Variants in ZFYVE9 observed in about 807,000 individuals in gnomAD.
ZFYVE9 encodes the protein zinc finger FYVE-type containing 9.
In ZFYVE9, 43 loss-of-function variants were observed where a neutral mutation model predicts 126.7. The ratio of observed to expected loss-of-function variants is 0.34; its 90% CI spans 0.27 to 0.44. The LOEUF (loss-of-function observed/expected upper bound fraction) is 0.44, where lower values mean the gene tolerates loss of function less well. Among genes scored for constraint, ZFYVE9 ranks in the 20% least tolerant of loss-of-function variants. The pLI, the probability that ZFYVE9 is intolerant of heterozygous loss-of-function variation, is 1.00. For synonymous variants in ZFYVE9, 521 were observed against 597.4 expected, an observed-to-expected ratio of 0.87 and a Z score of 1.87; for missense variants, 1,476 against 1,697.0, an observed-to-expected ratio of 0.87 and a Z score of 2.29.
At chr1:52,260,316 G>A (rs1645566514) in intron 4 of ZFYVE9, among the ~76,000 whole-genome samples, 1 of 151,992 alleles carries the variant, frequency 6.6e-6, no homozygotes, top group Admixed American at 6.6e-5. Flanking sequence ...TATTTTTTCT[G>A]TGTATTTACC....
At chr1:52,209,983 A>C (rs1645012694) in intron 1 of ZFYVE9, among the ~76,000 whole-genome samples, 1 of 152,220 alleles carries the variant, frequency 6.6e-6, no homozygotes, top group Non-Finnish European at 1.5e-5. Flanking sequence ...GGATTCTTGC[A>C]AAAATCTAGG....
At position 52,344,715 on chromosome 1, in the gene ZFYVE9, C is replaced by T. The variant is rs1646468562; in HGVS notation, c.3940-53C>T. The T allele has an allele frequency of 2.5e-6, 4 of 1,595,578 alleles. No homozygotes were observed. The Admixed American group carries it at 6.8e-5, about 27-fold the overall frequency. ...TGCTCATATACAGTGAGCTAATCTA[C>T]TTCTCCCAAAATCTAGGCACAAGTT... On this transcript the variant is annotated intron_variant, in intron 17 of 18. Transcript: ENST00000287727.
At chr1:52,231,139 G>A (rs186405161) in intron 2 of ZFYVE9, among the ~76,000 whole-genome samples, 11 of 152,312 alleles carry the variant, frequency 7.2e-5, no homozygotes, top group Admixed American at 2.0e-4. Context: ...GACATTAAAT[G>A]TGCAACCTAT....
chr1:52,293,179 C>G (rs774384430), intron 10 of ZFYVE9, among the ~76,000 whole-genome samples: 51 of 151,774 alleles, frequency 3.4e-4, no homozygotes, highest in Non-Finnish European at 6.5e-4. Context: ...GAGATGGAGA[C>G]CATCCTGGCT....
rs528396709 is a variant in ZFYVE9, at chr1:52,238,073, C to T, written c.656C>T (p.Pro219Leu). The T allele has an allele frequency of 4.3e-6, 7 of 1,613,880 alleles. No individual in the cohort carries two copies. The highest frequency in any genetic ancestry group is 4.0e-5 in the African/African-American group (3 of 74,988). ...AAACAAATGGATCCATTGAATAGACCGAAAACAGAGGGGAGATCTGTTAAC... is the reference window on the plus strand; with the variant it reads ...AAACAAATGGATCCATTGAATAGACTGAAAACAGAGGGGAGATCTGTTAAC... Reference protein sequence around the residue: ...SEKQMDPLNRPKTEGRSVNHL... With the variant: ...SEKQMDPLNRLKTEGRSVNHL... The change falls in exon 4 of 19, where the codon CCG becomes CTG. Residue 219 changes from proline to leucine, a missense_variant. Pro to Leu is a moderately conservative substitution (Grantham distance 98, BLOSUM62 -3). This residue lies in a region of ZFYVE9 where 807 missense variants were observed against 794.6 expected (regional missense o/e 1.02). Coordinates refer to ENST00000287727, the MANE Select transcript of ZFYVE9 (RefSeq NM_004799.4).
chr1:52,212,872 G>A (rs1645040170), intron 1 of ZFYVE9, among the ~76,000 whole-genome samples: 1 of 152,168 alleles, frequency 6.6e-6, no homozygotes, highest in African/African-American at 2.4e-5. Context: ...ATTAATTATT[G>A]TAATTATTAA....
intron 1 of ZFYVE9, among the ~76,000 whole-genome samples, chr1:52,194,221 A>C (rs989786650): frequency 6.6e-6 from 1 of 152,242 alleles, no homozygotes; most frequent in African/African-American, 2.4e-5. Flanking sequence ...TGAAAGAGCG[A>C]AGCAAACAAA....
chr1:52,171,807 A>G lies in ZFYVE9; in HGVS notation c.-143+29404A>G, dbSNP rs188857259. ...GCTACATAAATGTCTTCTTTTGAGA[A>G]GTGTCTGTTCATATCCTTTGCCTGC... On this transcript the variant is annotated intron_variant, in intron 1 of 18. Transcript: ENST00000287727. Among the ~76,000 whole-genome samples the G allele has an allele frequency of 5.0e-3, 759 of 152,266 alleles. 7 individuals are homozygous for G. The highest frequency in any genetic ancestry group is 0.018 in the African/African-American group (730 of 41,544).
Position 52,239,158 on chromosome 1 carries a change from C to A in ZFYVE9, c.1741C>A (p.Pro581Thr). ...CAGTGTTCCTTTTGGTGGTGCAAGA[C>A]CCAAGCAACCTTCTAATCTTAAACT... Reference protein sequence around the residue: ...SISVPFGGARPKQPSNLKLQI... With the variant: ...SISVPFGGARTKQPSNLKLQI... The change falls in exon 4 of 19, where the codon CCC becomes ACC. Residue 581 changes from proline to threonine, a missense_variant. Physicochemically the swap from Pro to Thr is conservative, Grantham distance 38. Around this residue, in one of 2 missense-constraint regions of ZFYVE9, gnomAD observed 807 missense variants for 794.6 expected, o/e 1.02. Transcript: ENST00000287727. The A allele has an allele frequency of 1.2e-6, 2 of 1,614,104 alleles. No individual in the cohort carries two copies. The highest frequency in any genetic ancestry group is 1.7e-6 in the Non-Finnish European group (2 of 1,180,008).
chr1:52,181,233 C>T (rs1370817530), intron 1 of ZFYVE9, among the ~76,000 whole-genome samples: 1 of 152,212 alleles, frequency 6.6e-6, no homozygotes, highest in African/African-American at 2.4e-5. Flanking sequence ...CAGGCGCGCG[C>T]TGCCACGCCT....
At position 52,268,585 on chromosome 1, in the gene ZFYVE9, T is replaced by C. The variant is rs756403462; in HGVS notation, c.2578T>C (p.Ser860Pro). ...TTCCTCTGCAGGAACCCTGGCTGTG[T>C]CACACGACCCAGTCAAGCCAGTAAC... Reference protein sequence around the residue: ...GTSSAGTLAVSHDPVKPVTTS... With the variant: ...GTSSAGTLAVPHDPVKPVTTS... The change falls in exon 7 of 19, where the codon TCA (serine) becomes CCA (proline). Residue 860 changes from serine to proline, a missense_variant. This residue lies in a region of ZFYVE9 where 669 missense variants were observed against 902.4 expected (regional missense o/e 0.74). Coordinates refer to ENST00000287727, the MANE Select transcript of ZFYVE9 (RefSeq NM_004799.4). 3.1e-6 allele frequency: 5 copies of C among 1,614,118 alleles called. No homozygotes were observed. Among genetic ancestry groups the C allele is most frequent in the Non-Finnish European group, 4.2e-6 (5 of 1,180,010 alleles).
intron 1 of ZFYVE9, among the ~76,000 whole-genome samples, chr1:52,160,899 C>T (rs376593575): frequency 1.9e-4 from 29 of 152,298 alleles, no homozygotes; most frequent in African/African-American, 6.5e-4. Flanking sequence ...ATGAACCATG[C>T]AGTTGATCAG....
In ZFYVE9 at chr1:52,281,688, C is replaced by A; in HGVS notation, c.2897C>A (p.Thr966Lys). The change falls in exon 10 of 19, where the codon ACA becomes AAA. Residue 966 changes from threonine (T) to lysine (K), a missense_variant. By Grantham distance (78) the Thr-to-Lys change is moderately conservative. This residue lies in a region of ZFYVE9 where 669 missense variants were observed against 902.4 expected (regional missense o/e 0.74). Coordinates refer to ENST00000287727, the MANE Select transcript of ZFYVE9 (RefSeq NM_004799.4). ...NYVNRKCWCF[T>K]TKGMHAVGQS... ...GTGAACAGGAAGTGCTGGTGTTTCA[C>A]AACCAAGGGAATGCATGCAGTGGGT... is the stretch of plus-strand genomic sequence containing the variant. 6.2e-7 allele frequency: 1 copy of A among 1,614,090 alleles called. No individual in the cohort carries two copies. The highest frequency in any genetic ancestry group is 8.5e-7 in the Non-Finnish European group (1 of 1,180,016).
At chr1:52,314,984 C>T (rs1004283654) in intron 13 of ZFYVE9, among the ~76,000 whole-genome samples, 1 of 151,966 alleles carries the variant, frequency 6.6e-6, no homozygotes, top group Non-Finnish European at 1.5e-5. Context: ...TAATTTATCA[C>T]CAACAGACCT....
intron 17 of ZFYVE9, among the ~76,000 whole-genome samples, chr1:52,342,776 C>T (rs1456550442): frequency 2.0e-5 from 3 of 152,206 alleles, no homozygotes; most frequent in African/African-American, 7.2e-5. Flanking sequence ...TTGTGATCTG[C>T]CCGCCTCGGC....
intron 4 of ZFYVE9, among the ~76,000 whole-genome samples, chr1:52,253,055 A>C (rs1161576778): frequency 6.6e-6 from 1 of 152,192 alleles, no homozygotes; most frequent in African/African-American, 2.4e-5. Flanking sequence ...AGTCCCAGCT[A>C]CTCAAGAGGA....
chr1:52,302,969 G>A (rs1646049596), intron 12 of ZFYVE9, among the ~76,000 whole-genome samples: 1 of 151,976 alleles, frequency 6.6e-6, no homozygotes, highest in South Asian at 2.1e-4. Context: ...AATTAGCCGA[G>A]CATGGTGACG....
chr1:52,299,687 C>T (rs904050273), intron 12 of ZFYVE9, among the ~76,000 whole-genome samples: 1 of 152,190 alleles, frequency 6.6e-6, no homozygotes, highest in Non-Finnish European at 1.5e-5. Flanking sequence ...CTCCCTCATT[C>T]TGTTGGGCCT....
intron 7 of ZFYVE9, among the ~76,000 whole-genome samples, chr1:52,273,468 A>G (rs1004693488): frequency 1.3e-5 from 2 of 152,204 alleles, no homozygotes; most frequent in African/African-American, 4.8e-5. Context: ...TTTAACGCCA[A>G]CCAACATGTT....
Sources: allele counts gnomAD v4.1 joint callset (sites outside exome capture counted in the v4.1 genomes callset), GRCh38; gene constraint gnomAD v4.1.1; regional missense constraint gnomAD v4.1.1; transcripts MANE v1.5; gene names NCBI Gene and HGNC (gene_info 2026-07-23, HGNC 2026-07-21).